CTRL: variants seen among roughly 807,000 people sequenced by gnomAD.
The protein encoded by CTRL is chymotrypsin like.
A neutral mutation model predicts 35.5 loss-of-function variants in CTRL; 38 were observed. The observed-to-expected ratio is 1.07, with a 90% CI of 0.83 to 1.40. CTRL has a LOEUF of 1.40. Ranked by LOEUF, CTRL falls within the 40% of genes most tolerant of loss-of-function variation. The pLI, the probability that CTRL is intolerant of heterozygous loss-of-function variation, is 0.00. For missense variants in CTRL, 327 were observed against 342.9 expected (o/e 0.95, Z 0.37); for synonymous variants, 155 against 141.1 (o/e 1.10, Z -0.70).
At chr16:67,931,043 G>T (rs973340704) in intron 2 of CTRL, 44 bp from the exon 3 acceptor site, 4 of 1,613,194 alleles carry the variant, frequency 2.5e-6, no homozygotes, top group Non-Finnish European at 8.5e-7. Flanking sequence ...GGGCTGCTGA[G>T]GCTGCCCCTA....
chr16:67,930,769 C>T lies in CTRL; in HGVS notation c.275G>A (p.Arg92Gln), dbSNP rs758434798. 15 of 1,613,922 alleles carry T rather than the reference C, an allele frequency of 9.3e-6. No individual in the cohort carries two copies. Among genetic ancestry groups the T allele is most frequent in the Non-Finnish European group, 1.2e-5 (14 of 1,180,010 alleles). Residue 92 changes from arginine (R) to glutamine (Q), a missense_variant, in exon 4 of 7, where the codon CGA becomes CAA. Arg to Gln is a conservative substitution (Grantham distance 43, BLOSUM62 1). Transcript: ENST00000574481. This position sits in a 1 kb window ranked among gnomAD's most constrained non-coding sequence, Gnocchi z 4.3. ...RHFVVLGEYD[R>Q]SSNAEPLQVL... is the part of the protein sequence containing the mutation. Reference sequence around the variant, plus strand: ...CTGCAAGGGCTCTGCGTTTGATGATCGGTCATACTCGCCCAGGACAACAAA... The same window carrying T: ...CTGCAAGGGCTCTGCGTTTGATGATTGGTCATACTCGCCCAGGACAACAAA...
rs527379915 is a variant in CTRL, at chr16:67,930,169, G to A, written c.633+16C>T. 5 of 1,613,804 alleles carry A rather than the reference G, an allele frequency of 3.1e-6. No homozygotes were observed. The highest frequency in any genetic ancestry group is 1.1e-5 in the South Asian group (1 of 91,050). On this transcript the variant is annotated intron_variant, in intron 6 of 6. Coordinates refer to ENST00000574481, the MANE Select transcript of CTRL (RefSeq NM_001907.3). The surrounding 1 kb of genome is among the most constrained non-coding windows in gnomAD (Gnocchi z 4.3). ...ATACCACAGGACAGCGCAGAGGAGC[G>A]GGTGCTGGGGCTTACCTGGCACGAG...
Position 67,930,513 on chromosome 16 carries a change from G to C in CTRL, c.394C>G (p.Gln132Glu). 1 of 1,614,182 alleles carries C rather than the reference G, an allele frequency of 6.2e-7. No homozygotes were observed. Among genetic ancestry groups the C allele is most frequent in the Non-Finnish European group, 8.5e-7 (1 of 1,180,032 alleles). Residue 132 changes from glutamine (Q) to glutamate (E), a missense_variant, in exon 5 of 7, where the codon CAG becomes GAG. Physicochemically the swap from Gln to Glu is conservative, Grantham distance 29. Coordinates refer to ENST00000574481, the MANE Select transcript of CTRL (RefSeq NM_001907.3). The surrounding 1 kb of genome is among the most constrained non-coding windows in gnomAD (Gnocchi z 4.3). ...VTLLKLASPA[Q>E]YTTRISPVCL... ...ACTGGCGAGATGCGTGTTGTGTACT[G>C]GGCTGGCGAGGCGAGCTTCAGCAGC...
rs752743865 is a variant in CTRL, at chr16:67,930,768, T to C, written c.276A>G (p.Arg92=). The C allele has an allele frequency of 1.1e-5, 17 of 1,613,718 alleles. No homozygotes were observed. Among genetic ancestry groups the C allele is most frequent in the South Asian group, 3.3e-5 (3 of 91,062 alleles). Residue 92 remains arginine, a synonymous_variant, in exon 4 of 7, where the codon CGA becomes CGG. Transcript: ENST00000574481. This position sits in a 1 kb window ranked among gnomAD's most constrained non-coding sequence, Gnocchi z 4.3. ...CCTGCAAGGGCTCTGCGTTTGATGA[T>C]CGGTCATACTCGCCCAGGACAACAA... ...RHFVVLGEYD[R]SSNAEPLQVL...
intron 1 of CTRL, 157 bp from the exon 2 acceptor site, chr16:67,931,358 C>T: frequency 1.5e-6 from 1 of 675,542 alleles, no homozygotes; most frequent in Non-Finnish European, 2.6e-6. Context: ...CCTTCGGGCC[C>T]CACAGCTATC....
At chr16:67,931,763 TC>T in intron 1 of CTRL, 37 bp downstream of exon 1, 1 of 1,553,256 alleles carries the variant, frequency 6.4e-7, no homozygotes, top group Non-Finnish European at 8.7e-7. Context: ...GCTGAGTTGC[TC>T]CCAGGGCTGA....
In CTRL at chr16:67,930,140, A is replaced by G. The variant is rs751468951; in HGVS notation, c.633+45T>C. The G allele has an allele frequency of 6.2e-7, 1 of 1,613,520 alleles. No individual in the cohort carries two copies. The highest frequency in any genetic ancestry group is 1.1e-5 in the South Asian group (1 of 91,054). On this transcript the variant is annotated intron_variant, in intron 6 of 6. Transcript: ENST00000574481. This position sits in a 1 kb window ranked among gnomAD's most constrained non-coding sequence, Gnocchi z 4.3. ...GAGAATTGAGTAGGGGGGGTTGGGG[A>G]GGTATACCACAGGACAGCGCAGAGG...
At chr16:67,931,023 G>T (rs2058238787) in intron 2 of CTRL, 24 bp from the exon 3 acceptor site, 1 of 1,613,694 alleles carries the variant, frequency 6.2e-7, no homozygotes, top group Admixed American at 1.7e-5. Context: ...TCAGAGGTCA[G>T]AGTGGGGGTG....
In CTRL at chr16:67,930,567, TC is replaced by T. The variant is rs1334818017; in HGVS notation, c.339del (p.Trp113Ter). 3 of 1,613,952 alleles carry T rather than the reference TC, an allele frequency of 1.9e-6. No homozygotes were observed. Among genetic ancestry groups the T allele is most frequent in the Non-Finnish European group, 2.5e-6 (3 of 1,180,000 alleles). ...SVSRAITHPS[W>X]NSTTMNNDVT... ...ACGTCATTGTTCATGGTGGTAGAGT[TC>T]CAGCTAGGGTGTGTAATGGCCTGTG... On this transcript the variant is annotated frameshift_variant, in exon 5 of 7. Transcript: ENST00000574481. LOFTEE classifies it high-confidence loss of function. The surrounding 1 kb of genome is among the most constrained non-coding windows in gnomAD (Gnocchi z 4.3).
chr16:67,930,332 G>A lies in CTRL; in HGVS notation c.500-14C>T, dbSNP rs754443280. The A allele has an allele frequency of 1.4e-5, 23 of 1,613,682 alleles. No homozygotes were observed. In the East Asian group the frequency reaches 5.1e-4, roughly 36 times the overall value. Reference sequence around the variant, plus strand: ...GTGTCACATTGCCTGTGGGCCAGGAGGGGTGGTCACATGGGGCCCAGAACA... The same window carrying A: ...GTGTCACATTGCCTGTGGGCCAGGAAGGGTGGTCACATGGGGCCCAGAACA... On this transcript the variant is annotated splice_polypyrimidine_tract_variant and intron_variant, in intron 5 of 6. Coordinates refer to ENST00000574481, the MANE Select transcript of CTRL (RefSeq NM_001907.3). The surrounding 1 kb of genome is among the most constrained non-coding windows in gnomAD (Gnocchi z 4.3).
chr16:67,930,105 A>G lies in CTRL; in HGVS notation c.634-10T>C. 6 of 1,613,836 alleles carry G rather than the reference A, an allele frequency of 3.7e-6. No individual in the cohort carries two copies. Among genetic ancestry groups the G allele is most frequent in the Non-Finnish European group, 4.2e-6 (5 of 1,179,816 alleles). ...GGCCTCCGGAGTCACCCTGAGAGGGAAGAGGGAGGGAGAATTGAGTAGGGG... is the reference window on the plus strand; with the variant it reads ...GGCCTCCGGAGTCACCCTGAGAGGGGAGAGGGAGGGAGAATTGAGTAGGGG... On this transcript the variant is annotated splice_polypyrimidine_tract_variant and intron_variant, in intron 6 of 6. Transcript: ENST00000574481. The surrounding 1 kb of genome is among the most constrained non-coding windows in gnomAD (Gnocchi z 4.3).
In CTRL at chr16:67,930,796, T is replaced by C. The variant is rs2058237341; in HGVS notation, c.248A>G (p.His83Arg). The change falls in exon 4 of 7, where the codon CAT becomes CGT. Residue 83 changes from histidine to arginine, a missense_variant. Physicochemically the swap from His to Arg is conservative, Grantham distance 29. Coordinates refer to ENST00000574481, the MANE Select transcript of CTRL (RefSeq NM_001907.3). This position sits in a 1 kb window ranked among gnomAD's most constrained non-coding sequence, Gnocchi z 4.3. ...AAHCNVSPGR[H>R]FVVLGEYDRS... ...GTCATACTCGCCCAGGACAACAAAA[T>C]GGCGGCCAGGGCTGCAAGGGGGTGG... is the stretch of plus-strand genomic sequence containing the variant. The C allele has an allele frequency of 6.2e-7, 1 of 1,612,970 alleles. No homozygotes were observed. The highest frequency in any genetic ancestry group is 1.3e-5 in the African/African-American group (1 of 74,454).
At chr16:67,931,333 G>A in intron 1 of CTRL, 132 bp from the exon 2 acceptor site, 1 of 831,716 alleles carries the variant, frequency 1.2e-6, no homozygotes, top group Non-Finnish European at 1.9e-6. Flanking sequence ...TTCCCCAACA[G>A]GGTACATGCA....
rs147657411 is a variant in CTRL, at chr16:67,930,071, A to C, written c.658T>G (p.Cys220Gly). Residue 220 changes from cysteine (C) to glycine (G), a missense_variant, in exon 7 of 7, where the codon TGC becomes GGC. Cys to Gly is a radical substitution (Grantham distance 159). Coordinates refer to ENST00000574481, the MANE Select transcript of CTRL (RefSeq NM_001907.3). This position sits in a 1 kb window ranked among gnomAD's most constrained non-coding sequence, Gnocchi z 4.3. ...CQGDSGGPLV[C>G]QKGNTWVLIG... ...AGCACCCATGTGTTTCCCTTCTGGC[A>C]GACAAGAGGGCCTCCGGAGTCACCC... 301 of 1,614,034 alleles carry C rather than the reference A, an allele frequency of 1.9e-4. No individual in the cohort carries two copies. The highest frequency in any genetic ancestry group is 2.5e-4 in the Non-Finnish European group (296 of 1,180,034).
Position 67,931,647 on chromosome 16 carries a change from C to A in CTRL, c.52+154G>T, listed in dbSNP as rs1079725. ...TCTTGCCCCCTCCCAGCCCTGCAGG[C>A]CTGTTCCCTGCTCCACTGCCCTGGC... is the stretch of plus-strand genomic sequence containing the variant. On this transcript the variant is annotated intron_variant, in intron 1 of 6. Coordinates refer to ENST00000574481, the MANE Select transcript of CTRL (RefSeq NM_001907.3). 8 of 872,374 alleles carry A rather than the reference C, an allele frequency of 9.2e-6. No homozygotes were observed. In the East Asian group the frequency reaches 2.1e-4, roughly 23 times the overall value. The allele number at this position is 872,374 out of a possible 1,614,324, so 54.0% of individuals were successfully genotyped here. A position where few individuals can be genotyped will look rare whatever the true frequency, so the allele number is the denominator to read the frequency against.
rs1598196995 is a variant in CTRL at position 67,930,378 on chromosome 16, C to T, written c.499+30G>A. 4 of 1,612,388 alleles carry T rather than the reference C, an allele frequency of 2.5e-6. No individual in the cohort carries two copies. The highest frequency in any genetic ancestry group is 3.4e-6 in the Non-Finnish European group (4 of 1,178,610). The stretch of plus-strand genomic sequence containing the variant: ...GAACACTGGTCCCCACCCCAGTCCT[C>T]CCACCCTGAGCTTTGGCCTGAGTCC... On this transcript the variant is annotated intron_variant, in intron 5 of 6. Transcript: ENST00000574481. This position sits in a 1 kb window ranked among gnomAD's most constrained non-coding sequence, Gnocchi z 4.3.
rs113509739 is a variant in CTRL, at chr16:67,931,489, G to A, written c.53-288C>T. On this transcript the variant is annotated intron_variant, in intron 1 of 6. Transcript: ENST00000574481. ...TCTCTGCCCCCTCCCGACCTGAACA[G>A]TTCATACCCTTCATGCAGCCAGAAG... is the stretch of plus-strand genomic sequence containing the variant. The A allele has an allele frequency of 3.4e-3, 2,020 of 589,004 alleles. 26 individuals carry two copies. The highest frequency in any genetic ancestry group is 0.033 in the African/African-American group (1,787 of 53,648). 36.5% of individuals were successfully genotyped at this position (589,004 alleles called of 1,614,324 possible).
At position 67,930,354 on chromosome 16, in the gene CTRL, AAC is replaced by A. The variant is rs759785324; in HGVS notation, c.500-38_500-37del. The A allele has an allele frequency of 6.2e-7, 1 of 1,613,146 alleles. No individual in the cohort carries two copies. Among genetic ancestry groups the A allele is most frequent in the South Asian group, 1.1e-5 (1 of 91,078 alleles). On this transcript the variant is annotated intron_variant, in intron 5 of 6. Transcript: ENST00000574481. The surrounding 1 kb of genome is among the most constrained non-coding windows in gnomAD (Gnocchi z 4.3). ...GGAGGGGTGGTCACATGGGGCCCAG[AAC>A]ACTGGTCCCCACCCCAGTCCTCCCA...
intron 1 of CTRL, 145 bp downstream of exon 1, chr16:67,931,656 T>A: frequency 1.0e-6 from 1 of 958,298 alleles, no homozygotes; most frequent in Non-Finnish European, 1.6e-6. Flanking sequence ...GCCTGTTCCC[T>A]GCTCCACTGC....
Sources: gnomAD v4.1 joint callset for allele counts on GRCh38, gnomAD v4.1.1 for gene constraint, Gnocchi (gnomAD v3.1) non-coding constraint, MANE v1.5 for transcripts, NCBI Gene and HGNC (gene_info 2026-07-23, HGNC 2026-07-21) for gene names.